The following IL16 variants were observed in gnomAD, a reference collection of about 807,000 sequenced individuals.
The protein encoded by IL16 is pro-interleukin-16.
A neutral mutation model predicts 110.1 loss-of-function variants in IL16; 67 were observed. The ratio of observed to expected loss-of-function variants is 0.61; its 90% confidence interval spans 0.50 to 0.75. The LOEUF is 0.75. Among genes scored for constraint, IL16 ranks in the 30% least tolerant of loss-of-function variants. The probability of loss-of-function intolerance (pLI) is 0.00; values close to 1 mark genes in which losing one functional copy is unlikely to be tolerated. For synonymous variants in IL16, 689 were observed against 662.9 expected (o/e 1.04, Z -0.61); for missense variants, 1,545 against 1,655.0 (o/e 0.93, Z 1.15).
intron 1 of IL16, among the ~76,000 whole-genome samples, chr15:81,200,505 G>A (rs1245438340): frequency 6.6e-6 from 1 of 151,906 alleles, no homozygotes; most frequent in African/African-American, 2.4e-5. Flanking sequence ...GAGTAGCTGG[G>A]ACTACAGGCA....
At chr15:81,196,791 G>GC, upstream of IL16, 2 of 1,070,184 alleles carry the variant, frequency 1.9e-6, no homozygotes, top group Non-Finnish European at 2.3e-6. Context: ...AGCACTGGCA[G>GC]CCCCCCTTTT....
chr15:81,300,120 A>G lies in IL16; in HGVS notation c.2794A>G (p.Lys932Glu). Residue 932 changes from lysine to glutamate, a missense_variant, in exon 14 of 19, where the codon AAA (lysine) becomes GAA (glutamate). Transcript: ENST00000683961. ...SPPPGRQPNQ[K>E]TLPPGPDPLL... ...TCCCCCAGGGCGGCAGCCCAATCAG[A>G]AAACTCTCCCCCCTGGCCCGGACCC... The G allele has an allele frequency of 4.4e-6, 7 of 1,595,472 alleles. No individual in the cohort carries two copies. The highest frequency in any genetic ancestry group is 6.0e-6 in the Non-Finnish European group (7 of 1,170,858).
intron 2 of IL16, among the ~76,000 whole-genome samples, chr15:81,247,421 T>C (rs1188382633): frequency 6.6e-6 from 1 of 152,238 alleles, no homozygotes; most frequent in Non-Finnish European, 1.5e-5. Context: ...CTTTGACCCA[T>C]GAGTTATTTG....
At chr15:81,211,363 T>G (rs1742277537) in intron 1 of IL16, among the ~76,000 whole-genome samples, 1 of 152,126 alleles carries the variant, frequency 6.6e-6, no homozygotes, top group South Asian at 2.1e-4. Flanking sequence ...GCTATTCTCC[T>G]GCCTCAGCCT....
chr15:81,203,702 C>T (rs1335927375), intron 1 of IL16, among the ~76,000 whole-genome samples: 1 of 152,146 alleles, frequency 6.6e-6, no homozygotes, highest in African/African-American at 2.4e-5. Flanking sequence ...GGTACCAGTA[C>T]CATGCTGTTT....
intron 1 of IL16, among the ~76,000 whole-genome samples, chr15:81,215,592 T>G (rs1214570840): frequency 6.6e-6 from 1 of 152,152 alleles, no homozygotes; most frequent in Non-Finnish European, 1.5e-5. Flanking sequence ...TGATCACCAG[T>G]TATGTGCCCG....
chr15:81,218,475 GAACC>G (rs1303376542), intron 1 of IL16, among the ~76,000 whole-genome samples: 39 of 152,250 alleles, frequency 2.6e-4, no homozygotes, highest in South Asian at 1.9e-3. Flanking sequence ...AGACATTTTA[GAACC>G]TGATAAAATT....
chr15:81,214,024 GTT>G (rs34964294), intron 1 of IL16, among the ~76,000 whole-genome samples: 62,416 of 149,360 alleles, frequency 0.42, 16,621 homozygotes, highest in African/African-American at 0.73. Context: ...TGTGCATTTT[GTT>G]TTTTTTTTGT....
At chr15:81,256,338 T>TTTC (rs911123364) in intron 2 of IL16, among the ~76,000 whole-genome samples, 3 of 150,164 alleles carry the variant, frequency 2.0e-5, no homozygotes, top group African/African-American at 7.4e-5. Context: ...CAAACTTTTT[T>TTTC]TTTTTTTTTT....
At chr15:81,229,051 T>C (rs1404943975) in intron 2 of IL16, among the ~76,000 whole-genome samples, 2 of 152,248 alleles carry the variant, frequency 1.3e-5, no homozygotes, top group East Asian at 3.8e-4. Context: ...TTATTATTTC[T>C]ATTTTAGCAT....
At position 81,306,434 on chromosome 15, in the gene IL16, G is replaced by T. The variant is rs771120115; in HGVS notation, c.3694G>T (p.Val1232Phe). 11 of 1,613,984 alleles carry T rather than the reference G, an allele frequency of 6.8e-6. No homozygotes were observed. In the Admixed American group the frequency reaches 8.3e-5, roughly 12 times the overall value. Residue 1232 changes from valine (V) to phenylalanine (F), a missense_variant, in exon 18 of 19, where the codon GTC (valine) becomes TTC (phenylalanine). Physicochemically the swap from Val to Phe is conservative, Grantham distance 50. Around this residue, in one of 3 missense-constraint regions of IL16, gnomAD observed 356 missense variants for 399.3 expected, o/e 0.89. Transcript: ENST00000683961. ...GTTTTTCTCAGCAGCAGAGGCCACA[G>T]TCTGCACGGTGACACTGGAGAAGAT... ...VSVESTAEAT[V>F]CTVTLEKMSA... is the part of the protein sequence containing the mutation.
chr15:81,306,610 G>T (rs752119890), intron 18 of IL16, 65 bp downstream of exon 18: 1 of 1,593,170 alleles, frequency 6.3e-7, no homozygotes, highest in East Asian at 2.2e-5. Flanking sequence ...GCCCCCAAAA[G>T]GCTTCTGGGC....
chr15:81,306,163 T>C lies in IL16; in HGVS notation c.3676T>C (p.Ser1226Pro), dbSNP rs773423629. The C allele has an allele frequency of 1.9e-6, 3 of 1,613,162 alleles. No individual in the cohort carries two copies. Among genetic ancestry groups the C allele is most frequent in the Non-Finnish European group, 2.5e-6 (3 of 1,179,452 alleles). Reference sequence around the variant, plus strand: ...TGCAGCCAGTGATGTTTCTGTAGAATCTAGTAAGTTCTCCCAACTCAGTGG... The same window carrying C: ...TGCAGCCAGTGATGTTTCTGTAGAACCTAGTAAGTTCTCCCAACTCAGTGG... ...ASAASDVSVESTAEATVCTVT... is the reference protein window; with the variant it reads ...ASAASDVSVEPTAEATVCTVT... Residue 1226 changes from serine to proline, a missense_variant, in exon 17 of 19, where the codon TCT (serine) becomes CCT (proline). Coordinates refer to ENST00000683961, the MANE Select transcript of IL16 (RefSeq NM_172217.5).
rs1317237615 is a variant in IL16 at position 81,303,379 on chromosome 15, T to C, written c.3319-170T>C. ...TTTCTTCTAAGCTTCCCATGACTCC[T>C]GAAGGTCCATTCTTTACAGATGAGG... On this transcript the variant is annotated intron_variant, in intron 15 of 18. Coordinates refer to ENST00000683961, the MANE Select transcript of IL16 (RefSeq NM_172217.5). The surrounding 1 kb of genome is among the most constrained non-coding windows in gnomAD (Gnocchi z 4.1). 3 of 588,388 alleles carry C rather than the reference T, an allele frequency of 5.1e-6. No homozygotes were observed. The highest frequency in any genetic ancestry group is 3.7e-5 in the African/African-American group (2 of 53,450). The allele number at this position is 588,388 out of a possible 1,614,324, so 36.4% of individuals were successfully genotyped here. A position where few individuals can be genotyped will look rare whatever the true frequency, so the allele number is the denominator to read the frequency against.
At chr15:81,183,010 G>C in intron 1 of IL16, 1 of 569,536 alleles carries the variant, frequency 1.8e-6, no homozygotes, top group East Asian at 6.8e-5. Context: ...GTCCCACTGT[G>C]TAGTATATGA....
chr15:81,190,783 C>T (rs1231949884), intron 1 of IL16, among the ~76,000 whole-genome samples: 5 of 152,026 alleles, frequency 3.3e-5, no homozygotes, highest in Admixed American at 6.6e-5. Flanking sequence ...TCTAGGACGG[C>T]GAGACAAGAT....
intron 15 of IL16, among the ~76,000 whole-genome samples, 161 bp downstream of exon 15, chr15:81,301,673 A>C (rs1414340483): frequency 6.6e-6 from 1 of 152,198 alleles, no homozygotes; most frequent in Non-Finnish European, 1.5e-5. Flanking sequence ...CCACAGTAAG[A>C]CCTTCCATTT....
chr15:81,270,315 G>T (rs1489964436), intron 5 of IL16, among the ~76,000 whole-genome samples: 3 of 152,238 alleles, frequency 2.0e-5, no homozygotes, highest in Non-Finnish European at 2.9e-5. Context: ...TGACTGCAAA[G>T]CTCTCAGGCC....
chr15:81,196,877 A>G (rs1361316759), upstream of IL16: 1 of 1,156,742 alleles, frequency 8.6e-7, no homozygotes, highest in Non-Finnish European at 1.1e-6. Context: ...GCCAGGTGGG[A>G]CACATTTGTC....
Sources: gnomAD v4.1 joint callset for allele counts (sites outside exome capture counted in the v4.1 genomes callset) on GRCh38, gnomAD v4.1.1 for gene constraint, gnomAD v4.1.1 regional missense constraint, Gnocchi (gnomAD v3.1) non-coding constraint, MANE v1.5 for transcripts, NCBI Gene and HGNC (gene_info 2026-07-23, HGNC 2026-07-21) for gene names.